The following PDCD1LG2 variants were observed in gnomAD, a reference collection of about 807,000 sequenced individuals.
PDCD1LG2 encodes programmed cell death 1 ligand 2.
A neutral mutation model predicts 28.2 loss-of-function variants in PDCD1LG2; 32 were observed. The observed-to-expected ratio is 1.13, with a 90% CI of 0.86 to 1.52. The LOEUF is 1.52. Ranked by LOEUF, PDCD1LG2 falls within the 40% of genes most tolerant of loss-of-function variation. PDCD1LG2 has a pLI of 0.00. For synonymous variants in PDCD1LG2, 116 were observed against 120.2 expected, an observed-to-expected ratio of 0.97 and a Z score of 0.23; for missense variants, 385 against 323.8, an observed-to-expected ratio of 1.19 and a Z score of -1.45.
intron 3 of PDCD1LG2, among the ~76,000 whole-genome samples, chr9:5,545,230 G>A (rs1452298769): frequency 1.3e-5 from 2 of 152,212 alleles, no homozygotes; most frequent in African/African-American, 4.8e-5. Flanking sequence ...GGTTTAAGAG[G>A]TCATATAACT....
intron 6 of PDCD1LG2, among the ~76,000 whole-genome samples, chr9:5,565,477 C>A (rs1319136328): frequency 6.6e-6 from 1 of 152,242 alleles, no homozygotes; most frequent in Non-Finnish European, 1.5e-5. Flanking sequence ...AGCCACTGTG[C>A]CCAGCCTACA....
chr9:5,528,923 T>A (rs77316406), intron 2 of PDCD1LG2, among the ~76,000 whole-genome samples: 7,178 of 152,042 alleles, frequency 0.047, 230 homozygotes, highest in South Asian at 0.067. Context: ...AGAGTCGGGG[T>A]TTCACTATGT....
At position 5,534,773 on chromosome 9, in the gene PDCD1LG2, A is replaced by C. The variant is rs770000726; in HGVS notation, c.84A>C (p.Glu28Asp). 1 of 1,612,368 alleles carries C rather than the reference A, an allele frequency of 6.2e-7. No homozygotes were observed. Among genetic ancestry groups the C allele is most frequent in the Non-Finnish European group, 8.5e-7 (1 of 1,178,758 alleles). Reference sequence around the variant, plus strand: ...TATTCACAGTGACAGTCCCTAAGGAACTGTACATAATAGAGCATGGCAGCA... The same window carrying C: ...TATTCACAGTGACAGTCCCTAAGGACCTGTACATAATAGAGCATGGCAGCA... ...AALFTVTVPK[E>D]LYIIEHGSNV... is the part of the protein sequence containing the mutation. Residue 28 changes from glutamate to aspartate, a missense_variant, in exon 3 of 7, where the codon GAA (glutamate) becomes GAC (aspartate). Glu to Asp is a conservative substitution (Grantham distance 45, BLOSUM62 2). Transcript: ENST00000397747.
chr9:5,530,341 T>G (rs1423239373), intron 2 of PDCD1LG2, among the ~76,000 whole-genome samples: 2 of 152,192 alleles, frequency 1.3e-5, no homozygotes, highest in East Asian at 3.8e-4. Context: ...AGCTTAATTT[T>G]GTAGTTGTGG....
At chr9:5,513,985 G>A (rs917077344) in intron 1 of PDCD1LG2, among the ~76,000 whole-genome samples, 1 of 152,230 alleles carries the variant, frequency 6.6e-6, no homozygotes, top group African/African-American at 2.4e-5. Flanking sequence ...AATTGGGTAT[G>A]CATTTATCTA....
chr9:5,541,896 CA>C (rs1820694462), intron 3 of PDCD1LG2, among the ~76,000 whole-genome samples: 1 of 152,078 alleles, frequency 6.6e-6, no homozygotes, highest in Non-Finnish European at 1.5e-5. Flanking sequence ...GCAAAAAGAA[CA>C]AACCTGGAGG....
intron 2 of PDCD1LG2, among the ~76,000 whole-genome samples, chr9:5,531,492 C>G (rs1037153447): frequency 5.3e-5 from 8 of 152,144 alleles, no homozygotes; most frequent in African/African-American, 2.4e-5. Flanking sequence ...TAAATATTAG[C>G]TGAAAAATGT....
chr9:5,518,896 C>G (rs1400170102), intron 1 of PDCD1LG2, among the ~76,000 whole-genome samples: 1 of 152,194 alleles, frequency 6.6e-6, no homozygotes, highest in Non-Finnish European at 1.5e-5. Context: ...GTATTTGGCT[C>G]TACTGATCAC....
chr9:5,560,636 C>A (rs1049680451), intron 5 of PDCD1LG2, among the ~76,000 whole-genome samples: 6 of 150,922 alleles, frequency 4.0e-5, no homozygotes, highest in Admixed American at 3.9e-4. Flanking sequence ...CATGTTGAGC[C>A]TGGGACGCCA....
At chr9:5,511,089 T>G (rs1441651939) in intron 1 of PDCD1LG2, among the ~76,000 whole-genome samples, 2 of 152,218 alleles carry the variant, frequency 1.3e-5, no homozygotes, top group African/African-American at 4.8e-5. Flanking sequence ...TTCTTAAGAT[T>G]GTCTCTCAGC....
At chr9:5,564,182 A>G (rs1340861214) in intron 6 of PDCD1LG2, among the ~76,000 whole-genome samples, 1 of 152,216 alleles carries the variant, frequency 6.6e-6, no homozygotes, top group African/African-American at 2.4e-5. Flanking sequence ...GAGTTGTCCA[A>G]GAGGCCAGGG....
intron 4 of PDCD1LG2, among the ~76,000 whole-genome samples, chr9:5,550,721 T>C (rs2129885687): frequency 6.6e-6 from 1 of 151,146 alleles, no homozygotes; most frequent in African/African-American, 2.4e-5. Context: ...TGAGATGAAG[T>C]CTTATTCTGC....
intron 2 of PDCD1LG2, among the ~76,000 whole-genome samples, chr9:5,525,509 A>T (rs975719739): frequency 3.3e-5 from 5 of 151,510 alleles, no homozygotes; most frequent in African/African-American, 1.2e-4. Flanking sequence ...CAGAATATAT[A>T]TTATATATAT....
chr9:5,556,161 A>G (rs148477239), intron 4 of PDCD1LG2, among the ~76,000 whole-genome samples: 1 of 152,294 alleles, frequency 6.6e-6, no homozygotes, highest in East Asian at 1.9e-4. Context: ...TTCAGGGATG[A>G]GTAGGGCTTC....
intron 1 of PDCD1LG2, among the ~76,000 whole-genome samples, chr9:5,518,924 T>A (rs1406222429): frequency 1.3e-5 from 2 of 152,198 alleles, no homozygotes; most frequent in African/African-American, 4.8e-5. Flanking sequence ...TAGCACTGTG[T>A]TTTAAAATAT....
intron 3 of PDCD1LG2, among the ~76,000 whole-genome samples, chr9:5,538,076 T>C (rs955578632): frequency 6.6e-6 from 1 of 152,172 alleles, no homozygotes; most frequent in African/African-American, 2.4e-5. Context: ...GGAAGTGAGT[T>C]TCAATGAATG....
intron 2 of PDCD1LG2, among the ~76,000 whole-genome samples, chr9:5,530,777 A>G (rs1163639125): frequency 2.6e-5 from 4 of 152,220 alleles, no homozygotes; most frequent in African/African-American, 9.6e-5. Flanking sequence ...AATATCAACT[A>G]TTACGCTACT....
chr9:5,555,306 A>G (rs529066855), intron 4 of PDCD1LG2, among the ~76,000 whole-genome samples: 32 of 152,114 alleles, frequency 2.1e-4, no homozygotes, highest in Non-Finnish European at 4.4e-4. Flanking sequence ...AATCCCAGCT[A>G]CTCAAGAGGC....
intron 2 of PDCD1LG2, among the ~76,000 whole-genome samples, chr9:5,523,107 T>G (rs1386802674): frequency 6.6e-6 from 1 of 152,188 alleles, no homozygotes; most frequent in East Asian, 1.9e-4. Context: ...TACCTTAATG[T>G]GGTTTACTGA....
Sources: gnomAD v4.1 joint callset for allele counts (sites outside exome capture counted in the v4.1 genomes callset) on GRCh38, gnomAD v4.1.1 for gene constraint, MANE v1.5 for transcripts, NCBI Gene and HGNC (gene_info 2026-07-23, HGNC 2026-07-21) for gene names.